CGA: variants seen among roughly 807,000 people sequenced by gnomAD.
The protein encoded by CGA is glycoprotein hormones, alpha polypeptide, also known as glycoprotein hormones alpha chain.
Under a neutral mutation model 12.0 loss-of-function variants are expected in CGA, and 4 were observed. The ratio of observed to expected loss-of-function variants is 0.33; its 90% CI spans 0.16 to 0.76. The LOEUF (loss-of-function observed/expected upper bound fraction) is 0.76. Ranked by LOEUF, CGA falls within the 30% of genes least tolerant of loss-of-function variation. CGA has a pLI of 0.60. For synonymous variants in CGA, 60 were observed against 56.6 expected (o/e 1.06, Z -0.27); for missense variants, 102 against 143.5 (o/e 0.71, Z 1.48).
intron 1 of CGA, chr6:87,088,741 C>G (rs1419267654): frequency 3.9e-5 from 6 of 152,040 alleles, no homozygotes; most frequent in African/African-American, 1.5e-4. Context: ...AAAAATAACA[C>G]CAAATACTGG....
At chr6:87,091,447 CA>C (rs1028262256) in intron 1 of CGA, among the ~76,000 whole-genome samples, 61 of 152,114 alleles carry the variant, frequency 4.0e-4, no homozygotes, top group African/African-American at 1.4e-3. Flanking sequence ...TATTAAGAAT[CA>C]GGGGGAGAAA....
chr6:87,090,090 A>G (rs374193250), intron 1 of CGA, among the ~76,000 whole-genome samples: 1 of 152,178 alleles, frequency 6.6e-6, no homozygotes, highest in African/African-American at 2.4e-5. Context: ...TATGAAGGCT[A>G]AAACAAACCT....
intron 2 of CGA, 186 bp from the exon 3 acceptor site, chr6:87,086,620 T>TACA (rs933149811): frequency 3.0e-5 from 17 of 562,586 alleles, no homozygotes; most frequent in African/African-American, 1.7e-4. Context: ...CTACAAAAAA[T>TACA]ACAACAACAA....
At chr6:87,089,643 A>G (rs1342141378) in intron 1 of CGA, among the ~76,000 whole-genome samples, 1 of 152,226 alleles carries the variant, frequency 6.6e-6, no homozygotes, top group Non-Finnish European at 1.5e-5. Context: ...AGACTGACAT[A>G]ATAGGGCTGA....
At chr6:87,092,398 C>G (rs1449419880) in intron 1 of CGA, among the ~76,000 whole-genome samples, 2 of 152,032 alleles carry the variant, frequency 1.3e-5, no homozygotes, top group Non-Finnish European at 2.9e-5. Flanking sequence ...TTCCTGCTTC[C>G]CATCTCTTAG....
At chr6:87,089,983 T>A (rs1440981166) in intron 1 of CGA, among the ~76,000 whole-genome samples, 2 of 152,264 alleles carry the variant, frequency 1.3e-5, no homozygotes, top group East Asian at 3.9e-4. Context: ...ATGCAAATAT[T>A]CCAATATCCA....
At chr6:87,093,059 G>A (rs920228906) in intron 1 of CGA, among the ~76,000 whole-genome samples, 3 of 152,108 alleles carry the variant, frequency 2.0e-5, no homozygotes, top group East Asian at 1.9e-4. Flanking sequence ...AATTTCAGGC[G>A]TGAGCCCCCG....
At position 87,086,419 on chromosome 6, in the gene CGA, G is replaced by C; in HGVS notation, c.104C>G (p.Thr35Arg). The part of the protein sequence containing the change: ...APDVQDCPEC[T>R]LQENPFFSQP... ...GGAGAAGAATGGGTTTTCCTGTAGC[G>C]TGCATTCTGGGCAATCTATCAGGGA... The change falls in exon 3 of 4, where the codon ACG (threonine) becomes AGG (arginine). Residue 35 changes from threonine to arginine, a missense_variant. Physicochemically the swap from Thr to Arg is moderately conservative, Grantham distance 71. Coordinates refer to ENST00000627148, the MANE Select transcript of CGA (RefSeq NM_000735.4). The C allele has an allele frequency of 6.2e-7, 1 of 1,603,600 alleles. No individual in the cohort carries two copies. Among genetic ancestry groups the C allele is most frequent in the Non-Finnish European group, 8.5e-7 (1 of 1,177,000 alleles).
Position 87,085,798 on chromosome 6 carries a change from G to A in CGA, c.309C>T (p.His103=). Residue 103 remains histidine (H), a synonymous_variant, in exon 4 of 4, where the codon CAC becomes CAT. Transcript: ENST00000627148. ...AACAAGTACTGCAGTGGCACGCCGTGTGGTTCTCCACTTTGAAACCCCCCA... is the reference window on the plus strand; with the variant it reads ...AACAAGTACTGCAGTGGCACGCCGTATGGTTCTCCACTTTGAAACCCCCCA... ...TVMGGFKVEN[H]TACHCSTCYY... is the part of the protein sequence containing the mutation. 1 of 1,612,676 alleles carries A rather than the reference G, an allele frequency of 6.2e-7. No homozygotes were observed. Among genetic ancestry groups the A allele is most frequent in the Non-Finnish European group, 8.5e-7 (1 of 1,178,936 alleles).
Position 87,085,590 on chromosome 6 carries a change from G to A in CGA, c.*166C>T. 1 of 608,990 alleles carries A rather than the reference G, an allele frequency of 1.6e-6. No homozygotes were observed. The allele number at this position is 608,990 out of a possible 1,614,324, so 37.7% of individuals were successfully genotyped here. On this transcript the variant is annotated 3_prime_UTR_variant, in exon 4 of 4. Coordinates refer to ENST00000627148, the MANE Select transcript of CGA (RefSeq NM_000735.4). ...AAAGAACTAGACTGCTGATTGTACT[G>A]TAGGATAAGGAGGAAGGCAGTAAAG...
In CGA at chr6:87,085,798, G is replaced by T; in HGVS notation, c.309C>A (p.His103Gln). Residue 103 changes from histidine to glutamine, a missense_variant, in exon 4 of 4, where the codon CAC becomes CAA. His to Gln is a conservative substitution (Grantham distance 24, BLOSUM62 0). Transcript: ENST00000627148. ...AACAAGTACTGCAGTGGCACGCCGTGTGGTTCTCCACTTTGAAACCCCCCA... is the reference window on the plus strand; with the variant it reads ...AACAAGTACTGCAGTGGCACGCCGTTTGGTTCTCCACTTTGAAACCCCCCA... ...TVMGGFKVEN[H>Q]TACHCSTCYY... 6.2e-7 allele frequency: 1 copy of T among 1,612,676 alleles called. No homozygotes were observed. The highest frequency in any genetic ancestry group is 8.5e-7 in the Non-Finnish European group (1 of 1,178,936).
At chr6:87,092,702 A>G (rs1769462962) in intron 1 of CGA, among the ~76,000 whole-genome samples, 1 of 151,546 alleles carries the variant, frequency 6.6e-6, no homozygotes. Context: ...GCAGTGGGGA[A>G]CAACAGGGGA....
chr6:87,086,478 C>T, intron 2 of CGA, 44 bp from the exon 3 acceptor site: 1 of 1,554,240 alleles, frequency 6.4e-7, no homozygotes. Context: ...CCAAAAAAGA[C>T]TCAAAAAGAA....
At position 87,086,450 on chromosome 6, in the gene CGA, A is replaced by AAG. The variant is rs1769326249; in HGVS notation, c.89-17_89-16insCT. ...TCTGGGCAATCTATCAGGGAAAAAAAAAGGCAGAGTAAAATATCCAAAAAA... is the reference window on the plus strand; with the variant it reads ...TCTGGGCAATCTATCAGGGAAAAAAAAGAAGGCAGAGTAAAATATCCAAAAAA... On this transcript the variant is annotated splice_polypyrimidine_tract_variant and intron_variant, in intron 2 of 3. Transcript: ENST00000627148. 1.9e-6 allele frequency: 3 copies of AAG among 1,584,560 alleles called. No homozygotes were observed. In the East Asian group the frequency reaches 6.7e-5, roughly 35 times the overall value.
chr6:87,087,011 G>A (rs965360815), intron 2 of CGA, among the ~76,000 whole-genome samples: 2 of 151,426 alleles, frequency 1.3e-5, no homozygotes, highest in African/African-American at 2.4e-5. Flanking sequence ...CCCGGAAGGC[G>A]GAGGTTGCAG....
At chr6:87,090,065 T>C (rs1467272138) in intron 1 of CGA, among the ~76,000 whole-genome samples, 1 of 152,176 alleles carries the variant, frequency 6.6e-6, no homozygotes, top group African/African-American at 2.4e-5. Flanking sequence ...TGTATAGAAA[T>C]TCAGATTGTG....
rs756980249 is a variant in CGA, at chr6:87,090,647, TG to T, written c.-7-2441del. On this transcript the variant is annotated intron_variant, in intron 1 of 3. Transcript: ENST00000627148. Reference sequence around the variant, plus strand: ...TTGGGCTCTTCAATAATTTTTTTTTTGTTTTTTTGAGATTGAGTCTCCCTCT... The same window carrying T: ...TTGGGCTCTTCAATAATTTTTTTTTTTTTTTTTGAGATTGAGTCTCCCTCT... 1.1e-3 allele frequency among the ~76,000 whole-genome samples: 172 copies of T among 150,110 alleles called. 1 individual carries two copies. The highest frequency in any genetic ancestry group is 3.8e-3 in the South Asian group (18 of 4,760).
In CGA at chr6:87,089,182, A is replaced by C. The variant is rs188263513; in HGVS notation, c.-7-975T>G. On this transcript the variant is annotated intron_variant, in intron 1 of 3. Coordinates refer to ENST00000627148, the MANE Select transcript of CGA (RefSeq NM_000735.4). ...TTTATATAACACTGTGGAAATAACA[A>C]AATTATAGAGATAGAGAATAGATTA... The C allele has an allele frequency of 6.1e-4, 93 of 152,346 alleles. 1 individual carries two copies. Among genetic ancestry groups the C allele is most frequent in the African/African-American group, 2.1e-3 (87 of 41,588 alleles). 9.4% of individuals were successfully genotyped at this position (152,346 alleles called of 1,614,324 possible). A position where few individuals can be genotyped will look rare whatever the true frequency, so the allele number is the denominator to read the frequency against.
chr6:87,090,454 C>T (rs1054457925), intron 1 of CGA, among the ~76,000 whole-genome samples: 1 of 151,808 alleles, frequency 6.6e-6, no homozygotes, highest in Non-Finnish European at 1.5e-5. Context: ...TAAAACAATG[C>T]CACTCATCAC....
Sources: allele counts gnomAD v4.1 joint callset (sites outside exome capture counted in the v4.1 genomes callset), GRCh38; gene constraint gnomAD v4.1.1; transcripts MANE v1.5; gene names NCBI Gene and HGNC (gene_info 2026-07-23, HGNC 2026-07-21).